SH3GL1: variants seen among roughly 807,000 people sequenced by gnomAD.
SH3GL1 encodes the protein endophilin-A2.
A neutral mutation model predicts 48.8 loss-of-function variants in SH3GL1; 21 were observed. The observed-to-expected ratio is 0.43, with a 90% CI of 0.30 to 0.62. The LOEUF is 0.62. SH3GL1 is among the 20% of genes least tolerant of loss of function. The probability of loss-of-function intolerance (pLI) is 0.11; values close to 1 mark genes in which losing one functional copy is unlikely to be tolerated. For missense variants in SH3GL1, 454 were observed against 503.0 expected, an observed-to-expected ratio of 0.90 and a Z score of 0.93; for synonymous variants, 282 against 217.5, an observed-to-expected ratio of 1.30 and a Z score of -2.61.
At position 4,400,422 on chromosome 19, in the gene SH3GL1, G is replaced by T; in HGVS notation, c.-54C>A. 6.7e-7 allele frequency: 1 copy of T among 1,500,344 alleles called. No homozygotes were observed. Among genetic ancestry groups the T allele is most frequent in the Non-Finnish European group, 8.9e-7 (1 of 1,129,376 alleles). 92.9% of individuals were successfully genotyped at this position (1,500,344 alleles called of 1,614,324 possible). A position where few individuals can be genotyped will look rare whatever the true frequency, so the allele number is the denominator to read the frequency against. Reference sequence around the variant, plus strand: ...CGGACCGCGCCAGCGACAGGCTCCCGGGCGCCGCCGACCCTCTGCGCGCCT... The same window carrying T: ...CGGACCGCGCCAGCGACAGGCTCCCTGGCGCCGCCGACCCTCTGCGCGCCT... On this transcript the variant is annotated 5_prime_UTR_variant, in exon 1 of 10. Transcript: ENST00000269886. This position sits in a 1 kb window ranked among gnomAD's most constrained non-coding sequence, Gnocchi z 4.1.
chr19:4,398,041 C>T (rs1025286732), intron 1 of SH3GL1, among the ~76,000 whole-genome samples: 18 of 152,076 alleles, frequency 1.2e-4, no homozygotes, highest in Non-Finnish European at 2.4e-4. Context: ...GAGATGGGAT[C>T]TCCCTATATC....
rs1972614442 is a variant in SH3GL1, at chr19:4,361,596, TGA to T, written c.*2_*3del. The T allele has an allele frequency of 6.3e-7, 1 of 1,577,616 alleles. No individual in the cohort carries two copies. On this transcript the variant is annotated 3_prime_UTR_variant, in exon 10 of 10. Coordinates refer to ENST00000269886, the MANE Select transcript of SH3GL1 (RefSeq NM_003025.4). ...CGGAGGGGCGGGGCGGGGACACGGG[TGA>T]GTCACTGCGGCAGGGGCACAAGCAC...
In SH3GL1 at chr19:4,365,517, C is replaced by T. The variant is rs754159467; in HGVS notation, c.296G>A (p.Arg99His). ...SEGLLGECMI[R>H]HGKELGGESN... ...CTCGCCGCCCAGCTCCTTCCCGTGG[C>T]GGATCATGCACTCGCCCAGAAGCCC... The change falls in exon 4 of 10, where the codon CGC becomes CAC. Residue 99 changes from arginine (R) to histidine (H), a missense_variant. By Grantham distance (29) the Arg-to-His change is conservative (BLOSUM62 0). Coordinates refer to ENST00000269886, the MANE Select transcript of SH3GL1 (RefSeq NM_003025.4). 2.5e-6 allele frequency: 4 copies of T among 1,613,968 alleles called. No homozygotes were observed. The highest frequency in any genetic ancestry group is 3.4e-6 in the Non-Finnish European group (4 of 1,180,020).
chr19:4,360,848 G>A lies in SH3GL1; in HGVS notation c.*752C>T. The A allele has an allele frequency of 4.3e-6, 1 of 234,032 alleles. No homozygotes were observed. Among genetic ancestry groups the A allele is most frequent in the East Asian group, 6.0e-5 (1 of 16,598 alleles). 14.5% of individuals were successfully genotyped at this position (234,032 alleles called of 1,614,324 possible). A position where few individuals can be genotyped will look rare whatever the true frequency, so the allele number is the denominator to read the frequency against. The stretch of plus-strand genomic sequence containing the variant: ...TGGCAGCTTGTGCCAGAGTGACACA[G>A]GCCTCCCTGGGTTGGGATGGGGGCA... On this transcript the variant is annotated 3_prime_UTR_variant, in exon 10 of 10. Transcript: ENST00000269886.
Position 4,366,115 on chromosome 19 carries a change from G to A in SH3GL1, c.187+386C>T, listed in dbSNP as rs1444295040. Reference sequence around the variant, plus strand: ...TTGGGTTTTCCTTGGGGAAAAGCCCGTCTCTCAGCCAGGGAGACCCAGTCC... The same window carrying A: ...TTGGGTTTTCCTTGGGGAAAAGCCCATCTCTCAGCCAGGGAGACCCAGTCC... On this transcript the variant is annotated intron_variant, in intron 3 of 9. Coordinates refer to ENST00000269886, the MANE Select transcript of SH3GL1 (RefSeq NM_003025.4). 3.9e-5 allele frequency among the ~76,000 whole-genome samples: 6 copies of A among 152,320 alleles called. No individual in the cohort carries two copies. In the East Asian group the frequency reaches 5.8e-4, roughly 15 times the overall value.
At chr19:4,368,800 G>A (rs11666453) in intron 1 of SH3GL1, among the ~76,000 whole-genome samples, 27,454 of 152,156 alleles carry the variant, frequency 0.18, 2,997 homozygotes, top group Admixed American at 0.26. Context: ...GGCCGGGCGC[G>A]GTGACTCATG....
intron 1 of SH3GL1, among the ~76,000 whole-genome samples, chr19:4,383,689 C>G (rs1973181301): frequency 6.6e-6 from 1 of 152,222 alleles, no homozygotes; most frequent in Non-Finnish European, 1.5e-5. Flanking sequence ...CGAGACGGCA[C>G]TGCTGCATGA....
At chr19:4,383,510 G>A (rs1427749265) in intron 1 of SH3GL1, among the ~76,000 whole-genome samples, 2 of 152,242 alleles carry the variant, frequency 1.3e-5, no homozygotes, top group South Asian at 4.1e-4. Flanking sequence ...CTGGGTGACA[G>A]GCATGAGCCG....
chr19:4,374,760 C>T (rs541642454), intron 1 of SH3GL1, among the ~76,000 whole-genome samples: 1 of 152,304 alleles, frequency 6.6e-6, no homozygotes, highest in Admixed American at 6.5e-5. Flanking sequence ...CCTGAGTCAC[C>T]CCTGAGGTGA....
chr19:4,368,052 C>T (rs1372482998), intron 1 of SH3GL1, among the ~76,000 whole-genome samples: 1 of 152,260 alleles, frequency 6.6e-6, no homozygotes, highest in Non-Finnish European at 1.5e-5. Context: ...TGTGCCATCT[C>T]TGAAGTCATC....
At chr19:4,362,409 G>T in intron 8 of SH3GL1, 24 bp from the exon 9 acceptor site, 1 of 1,605,336 alleles carries the variant, frequency 6.2e-7, no homozygotes, top group Non-Finnish European at 8.5e-7. Context: ...AAACGAGGAG[G>T]CTGTGGGCTC....
rs567872587 is a variant in SH3GL1, at chr19:4,366,977, G to A, written c.63C>T (p.Val21=). ...CCAGCTTGGTCCCCTCGGCCCCTCC[G>A]ACCTTCTCACTGACCAGCTAGAGGA... ...YKASQLVSEK[V]GGAEGTKLDD... The change falls in exon 2 of 10, where the codon GTC becomes GTT. Residue 21 remains valine (V), a synonymous_variant. Transcript: ENST00000269886. The A allele has an allele frequency of 2.6e-5, 42 of 1,613,800 alleles. No individual in the cohort carries two copies. Among genetic ancestry groups the A allele is most frequent in the African/African-American group, 9.3e-5 (7 of 74,904 alleles).
At position 4,361,579 on chromosome 19, in the gene SH3GL1, C is replaced by T. The variant is rs201300643; in HGVS notation, c.*21G>A. 68 of 1,551,230 alleles carry T rather than the reference C, an allele frequency of 4.4e-5. No homozygotes were observed. Among genetic ancestry groups the T allele is most frequent in the Non-Finnish European group, 4.6e-5 (53 of 1,141,740 alleles). ...GTGCCGGCCAGTGTGGACGGAGGGGCGGGGCGGGGACACGGGTGAGTCACT... is the reference window on the plus strand; with the variant it reads ...GTGCCGGCCAGTGTGGACGGAGGGGTGGGGCGGGGACACGGGTGAGTCACT... On this transcript the variant is annotated 3_prime_UTR_variant, in exon 10 of 10. Coordinates refer to ENST00000269886, the MANE Select transcript of SH3GL1 (RefSeq NM_003025.4).
At chr19:4,388,596 A>G (rs1973278012) in intron 1 of SH3GL1, among the ~76,000 whole-genome samples, 1 of 152,218 alleles carries the variant, frequency 6.6e-6, no homozygotes, top group Non-Finnish European at 1.5e-5. Flanking sequence ...CCATGGCAAA[A>G]GTCCTAAGAA....
chr19:4,400,482 C>CT lies in SH3GL1; in HGVS notation c.-115dup. Reference sequence around the variant, plus strand: ...CCGTCGGCGCCGCCTCCGCCACCCGCTTGCCAGCTCCGCGCCCGCCCCGGC... The same window carrying CT: ...CCGTCGGCGCCGCCTCCGCCACCCGCTTTGCCAGCTCCGCGCCCGCCCCGGC... On this transcript the variant is annotated 5_prime_UTR_variant, in exon 1 of 10. Coordinates refer to ENST00000269886, the MANE Select transcript of SH3GL1 (RefSeq NM_003025.4). This position sits in a 1 kb window ranked among gnomAD's most constrained non-coding sequence, Gnocchi z 4.1. The CT allele has an allele frequency of 2.1e-6, 2 of 952,310 alleles. No individual in the cohort carries two copies. Among genetic ancestry groups the CT allele is most frequent in the Non-Finnish European group, 1.3e-6 (1 of 763,698 alleles). The allele number at this position is 952,310 out of a possible 1,614,324, so 59.0% of individuals were successfully genotyped here.
chr19:4,362,536 C>T, intron 8 of SH3GL1, 76 bp downstream of exon 8: 2 of 1,603,112 alleles, frequency 1.2e-6, no homozygotes, highest in Admixed American at 1.7e-5. Context: ...CGCTCAGAGA[C>T]CCAGGACAGG....
rs73539283 is a variant in SH3GL1, at chr19:4,366,351, C to T, written c.187+150G>A. On this transcript the variant is annotated intron_variant, in intron 3 of 9. Transcript: ENST00000269886. ...CTGGTTGAGGTGGAAAGGCAGCATGCAGCACCAAGGATGGCCTCTGCACTC... is the reference window on the plus strand; with the variant it reads ...CTGGTTGAGGTGGAAAGGCAGCATGTAGCACCAAGGATGGCCTCTGCACTC... The T allele has an allele frequency of 0.01, 6,782 of 646,872 alleles. 339 individuals carry two copies. The African/African-American group carries it at 0.11, about 10-fold the overall frequency. 40.1% of individuals were successfully genotyped at this position (646,872 alleles called of 1,614,324 possible). A position where few individuals can be genotyped will look rare whatever the true frequency, so the allele number is the denominator to read the frequency against.
chr19:4,370,105 A>G (rs951898964), intron 1 of SH3GL1, among the ~76,000 whole-genome samples: 3 of 152,226 alleles, frequency 2.0e-5, no homozygotes, highest in Non-Finnish European at 4.4e-5. Flanking sequence ...GAGGCTCACC[A>G]GAGGGCGCCT....
Position 4,364,204 on chromosome 19 carries a change from C to T in SH3GL1, c.349G>A (p.Ala117Thr). Residue 117 changes from alanine (A) to threonine (T), a missense_variant, in exon 5 of 10, where the codon GCC (alanine) becomes ACC (threonine). Physicochemically the swap from Ala to Thr is moderately conservative, Grantham distance 58. Transcript: ENST00000269886. ...ESNFGDALLD[A>T]GESMKRLAEV... is the part of the protein sequence containing the mutation. ...GCCAGGCGCTTCATGGACTCGCCGG[C>T]ATCCAGCAATGCGTCACCTGTGGAG... 6.2e-7 allele frequency: 1 copy of T among 1,613,936 alleles called. No individual in the cohort carries two copies. The highest frequency in any genetic ancestry group is 8.5e-7 in the Non-Finnish European group (1 of 1,180,030).
Sources: gnomAD v4.1 joint callset for allele counts (sites outside exome capture counted in the v4.1 genomes callset) on GRCh38, gnomAD v4.1.1 for gene constraint, Gnocchi (gnomAD v3.1) non-coding constraint, MANE v1.5 for transcripts, NCBI Gene and HGNC (gene_info 2026-07-23, HGNC 2026-07-21) for gene names.